RIN2: variants seen among roughly 807,000 people sequenced by gnomAD.
RIN2 encodes the protein Ras and Rab interactor 2.
RIN2 carries 36 observed loss-of-function variants against 78.0 expected under a neutral mutation model. The ratio of observed to expected loss-of-function variants is 0.46; its 90% CI spans 0.35 to 0.61. The LOEUF (loss-of-function observed/expected upper bound fraction) is 0.61. Among genes scored for constraint, RIN2 ranks in the 20% least tolerant of loss-of-function variants. RIN2 has a pLI of 0.00. For missense variants in RIN2, 1,087 were observed against 1,159.7 expected (o/e 0.94, Z 0.91); for synonymous variants, 466 against 466.8 (o/e 1.00, Z 0.02).
intron 2 of RIN2, among the ~76,000 whole-genome samples, chr20:19,807,365 A>C (rs545283486): frequency 6.6e-6 from 1 of 152,272 alleles, no homozygotes; most frequent in South Asian, 2.1e-4. Context: ...GTGAAATTTA[A>C]GTCTTTGCCA....
chr20:19,994,035 G>C (rs941547915), intron 11 of RIN2, among the ~76,000 whole-genome samples: 2 of 152,224 alleles, frequency 1.3e-5, no homozygotes, highest in East Asian at 1.9e-4. Context: ...CCCTTTCCCA[G>C]ATTGGCCCAG....
At chr20:19,766,139 G>T (rs927315411) in intron 1 of RIN2, among the ~76,000 whole-genome samples, 1 of 152,126 alleles carries the variant, frequency 6.6e-6, no homozygotes, top group African/African-American at 2.4e-5. Context: ...CATGGATGGG[G>T]CACCCACCCA....
chr20:19,919,004 G>T (rs1377359458), intron 3 of RIN2, among the ~76,000 whole-genome samples: 1 of 152,218 alleles, frequency 6.6e-6, no homozygotes. Flanking sequence ...TTCTCTGAAG[G>T]CTGGGAGGCT....
chr20:19,774,797 A>G lies in RIN2; in HGVS notation c.-163+16470A>G, dbSNP rs557063729. ...ACAAAGTTCACCCTGACTGCTGATCACAGACAGCATTTCAGTGGAGCAAGA... is the reference window on the plus strand; with the variant it reads ...ACAAAGTTCACCCTGACTGCTGATCGCAGACAGCATTTCAGTGGAGCAAGA... On this transcript the variant is annotated intron_variant, in intron 1 of 12. Coordinates refer to ENST00000255006, the MANE Select transcript of RIN2 (RefSeq NM_018993.4). 5.3e-5 allele frequency among the ~76,000 whole-genome samples: 8 copies of G among 152,364 alleles called. No individual in the cohort carries two copies. The South Asian group carries it at 8.3e-4, about 16-fold the overall frequency.
chr20:19,946,759 G>A (rs1011667736), intron 4 of RIN2, among the ~76,000 whole-genome samples: 18 of 149,298 alleles, frequency 1.2e-4, no homozygotes, highest in Admixed American at 3.3e-4. Flanking sequence ...AGCTGGGTGC[G>A]GTGGCTCACA....
chr20:19,819,458 C>A (rs2035866548), intron 2 of RIN2, among the ~76,000 whole-genome samples: 1 of 152,224 alleles, frequency 6.6e-6, no homozygotes, highest in Non-Finnish European at 1.5e-5. Context: ...CAGGTATTCA[C>A]AAACATTCAG....
intron 2 of RIN2, among the ~76,000 whole-genome samples, chr20:19,830,853 C>T (rs1328031814): frequency 1.3e-5 from 2 of 152,192 alleles, no homozygotes; most frequent in East Asian, 3.9e-4. Flanking sequence ...CCACATCCAG[C>T]GATGACTGAT....
At chr20:19,820,495 T>C (rs915986355) in intron 2 of RIN2, among the ~76,000 whole-genome samples, 1 of 151,680 alleles carries the variant, frequency 6.6e-6, no homozygotes, top group Non-Finnish European at 1.5e-5. Flanking sequence ...GGGCGAGGGG[T>C]CTGGGCATGT....
intron 2 of RIN2, among the ~76,000 whole-genome samples, chr20:19,811,060 C>T (rs1380214779): frequency 6.6e-6 from 1 of 151,228 alleles, no homozygotes; most frequent in East Asian, 1.9e-4. Context: ...AAAAAATGCA[C>T]AAGGATAAAG....
At chr20:19,889,350 T>G (rs1600705799) in intron 2 of RIN2, 2 of 1,238,488 alleles carry the variant, frequency 1.6e-6, no homozygotes, top group Non-Finnish European at 2.0e-6. Flanking sequence ...GTGGCAGAGG[T>G]GGGAGGTGGG....
chr20:19,799,280 C>T (rs989563993), intron 1 of RIN2, among the ~76,000 whole-genome samples: 3 of 152,046 alleles, frequency 2.0e-5, no homozygotes, highest in Non-Finnish European at 2.9e-5. Flanking sequence ...TTGTAGGAAG[C>T]GATGTGATGC....
rs189609178 is a variant in RIN2 at position 19,768,983 on chromosome 20, G to A, written c.-163+10656G>A. Among the ~76,000 whole-genome samples, 472 of 145,172 alleles carry A rather than the reference G, an allele frequency of 3.3e-3. 1 individual carries two copies. Among genetic ancestry groups the A allele is most frequent in the African/African-American group, 8.9e-3 (344 of 38,814 alleles). On this transcript the variant is annotated intron_variant, in intron 1 of 12. Coordinates refer to ENST00000255006, the MANE Select transcript of RIN2 (RefSeq NM_018993.4). ...GTCACCCAGGCTGGAGTACAAAGTC[G>A]CACTCTCGGCTCACTGCAACCTCTG...
At chr20:19,789,164 G>A (rs1179555098) in intron 1 of RIN2, among the ~76,000 whole-genome samples, 4 of 152,200 alleles carry the variant, frequency 2.6e-5, no homozygotes, top group Non-Finnish European at 5.9e-5. Flanking sequence ...TTAAGCGGGT[G>A]TGGAGGCGGG....
chr20:19,971,213 A>T (rs1193105764), intron 8 of RIN2, among the ~76,000 whole-genome samples: 3 of 151,678 alleles, frequency 2.0e-5, no homozygotes, highest in African/African-American at 7.3e-5. Flanking sequence ...GCACACGGGC[A>T]TTGACGGCAC....
chr20:19,987,544 C>T (rs544426610), intron 9 of RIN2, among the ~76,000 whole-genome samples: 101 of 152,270 alleles, frequency 6.6e-4, no homozygotes, highest in Admixed American at 3.8e-3. Context: ...ATCTGTTAAA[C>T]GGACATAATA....
rs116704543 is a variant in RIN2, at chr20:19,817,191, C to T, written c.-37+17444C>T. 8.1e-3 allele frequency among the ~76,000 whole-genome samples: 1,237 copies of T among 152,286 alleles called. 18 individuals carry two copies. The highest frequency in any genetic ancestry group is 0.028 in the African/African-American group (1,167 of 41,556). ...AAATACCAACTGGGTTGGTCCATTC[C>T]GGCTGCTCTAACAAAATACCTTAAA... On this transcript the variant is annotated intron_variant, in intron 2 of 12. Transcript: ENST00000255006.
Position 19,973,784 on chromosome 20 carries a change from G to A in RIN2, c.629-870G>A, listed in dbSNP as rs187411890. ...AGCCTGGGCGACAGAGCAAGACTCCGTCTCAAGGGAAAAAAAAAAAAGAAT... is the reference window on the plus strand; with the variant it reads ...AGCCTGGGCGACAGAGCAAGACTCCATCTCAAGGGAAAAAAAAAAAAGAAT... On this transcript the variant is annotated intron_variant, in intron 8 of 12. Transcript: ENST00000255006. 8.5e-4 allele frequency among the ~76,000 whole-genome samples: 129 copies of A among 151,342 alleles called. No homozygotes were observed. The Middle Eastern group carries it at 0.01, about 12-fold the overall frequency.
At chr20:19,916,688 C>A (rs546642657) in intron 3 of RIN2, among the ~76,000 whole-genome samples, 7 of 152,362 alleles carry the variant, frequency 4.6e-5, no homozygotes, top group Admixed American at 2.0e-4. Flanking sequence ...GTTTGGGGAA[C>A]CCCGCATACT....
chr20:19,803,764 T>C (rs953122334), intron 2 of RIN2, among the ~76,000 whole-genome samples: 5 of 152,264 alleles, frequency 3.3e-5, no homozygotes, highest in Non-Finnish European at 4.4e-5. Context: ...GGGAATAGCA[T>C]TGAATCTATA....
Sources: gnomAD v4.1 joint callset for allele counts (sites outside exome capture counted in the v4.1 genomes callset) on GRCh38, gnomAD v4.1.1 for gene constraint, MANE v1.5 for transcripts, NCBI Gene and HGNC (gene_info 2026-07-23, HGNC 2026-07-21) for gene names.